Variants in PRKCQ observed in about 807,000 individuals in gnomAD.
PRKCQ encodes the protein protein kinase C theta, also known as protein kinase C theta type.
PRKCQ carries 41 observed loss-of-function variants against 91.2 expected under a neutral mutation model. The ratio of observed to expected loss-of-function variants is 0.45; its 90% CI spans 0.35 to 0.58. PRKCQ has a LOEUF of 0.58. Among genes scored for constraint, PRKCQ ranks in the 20% least tolerant of loss-of-function variants. PRKCQ has a pLI of 0.00. For synonymous variants in PRKCQ, 307 were observed against 316.9 expected (o/e 0.97, Z 0.33); for missense variants, 673 against 896.5 (o/e 0.75, Z 3.18).
intron 1 of PRKCQ, among the ~76,000 whole-genome samples, chr10:6,517,588 C>CTTTTTTTTTTT (rs56306878): frequency 6.1e-5 from 3 of 49,482 alleles, no homozygotes; most frequent in African/African-American, 2.4e-4. Flanking sequence ...AAGATAGCAT[C>CTTTTTTTTTTT]TTTTTTTTTT....
chr10:6,533,646 T>C (rs747194840), intron 1 of PRKCQ, among the ~76,000 whole-genome samples: 98 of 152,282 alleles, frequency 6.4e-4, no homozygotes, highest in Non-Finnish European at 1.2e-3. Flanking sequence ...AATAAAGATA[T>C]TATAATGGGA....
the PRKCQ span, among the ~76,000 whole-genome samples, chr10:6,410,023 TA>T: frequency 4.6e-5 from 7 of 152,220 alleles, no homozygotes; most frequent in Admixed American, 3.9e-4. Flanking sequence ...CAGAAGCTCA[TA>T]AACTATGAAG....
intron 1 of PRKCQ, among the ~76,000 whole-genome samples, chr10:6,541,597 A>G (rs1203615303): frequency 2.0e-5 from 3 of 152,194 alleles, no homozygotes; most frequent in Non-Finnish European, 4.4e-5. Context: ...CACTGGTCTA[A>G]TAATTCATTA....
intron 2 of PRKCQ, among the ~76,000 whole-genome samples, chr10:6,514,697 T>C (rs1370898960): frequency 6.6e-6 from 1 of 152,232 alleles, no homozygotes. Flanking sequence ...TAGGGCTATG[T>C]TCTACTTCAG....
At chr10:6,518,883 AT>A (rs1838889133) in intron 1 of PRKCQ, among the ~76,000 whole-genome samples, 1 of 152,254 alleles carries the variant, frequency 6.6e-6, no homozygotes, top group Non-Finnish European at 1.5e-5. Context: ...TGCCCATGCA[AT>A]TATCAAATAT....
intron 1 of PRKCQ, among the ~76,000 whole-genome samples, chr10:6,523,097 T>C (rs1162080569): frequency 6.6e-6 from 1 of 152,162 alleles, no homozygotes; most frequent in Non-Finnish European, 1.5e-5. Context: ...CTAAGTAGTA[T>C]AATAAAGAGA....
chr10:6,408,216 A>T, the PRKCQ span, among the ~76,000 whole-genome samples: 2 of 152,046 alleles, frequency 1.3e-5, no homozygotes, highest in African/African-American at 4.8e-5. Context: ...GGAATTGCTC[A>T]GTTTAGATTT....
intron 13 of PRKCQ, among the ~76,000 whole-genome samples, chr10:6,464,063 T>G (rs1835500385): frequency 6.6e-6 from 1 of 152,220 alleles, no homozygotes; most frequent in Non-Finnish European, 1.5e-5. Context: ...CTCAGGTTAG[T>G]TAGAAGCCTG....
In PRKCQ at chr10:6,446,750, T is replaced by C. The variant is rs3793722; in HGVS notation, c.1648-4669A>G. 2.1e-3 allele frequency among the ~76,000 whole-genome samples: 320 copies of C among 152,342 alleles called. 8 individuals are homozygous for C. The East Asian group carries it at 0.054, about 26-fold the overall frequency. ...CTCTCAGCCCCGGGACCTTGCCTCA[T>C]TGTGATCTCTTCTTGTGTTCTGCTC... On this transcript the variant is annotated intron_variant, in intron 15 of 17. Coordinates refer to ENST00000263125, the MANE Select transcript of PRKCQ (RefSeq NM_006257.5).
At chr10:6,552,658 G>A (rs900104627) in intron 1 of PRKCQ, among the ~76,000 whole-genome samples, 1 of 151,774 alleles carries the variant, frequency 6.6e-6, no homozygotes, top group African/African-American at 2.4e-5. Flanking sequence ...GTAGACACAG[G>A]GTCTCACTAG....
intron 1 of PRKCQ, among the ~76,000 whole-genome samples, chr10:6,562,891 G>A (rs917655796): frequency 3.3e-5 from 5 of 152,146 alleles, no homozygotes; most frequent in Admixed American, 3.3e-4. Context: ...CTCAGTCTAT[G>A]TTAGCTATAA....
intron 1 of PRKCQ, among the ~76,000 whole-genome samples, chr10:6,557,788 T>G (rs1840477322): frequency 6.6e-6 from 1 of 152,104 alleles, no homozygotes; most frequent in Non-Finnish European, 1.5e-5. Flanking sequence ...TGTCTGTACC[T>G]CTCCTCTCTG....
the PRKCQ span, among the ~76,000 whole-genome samples, chr10:6,418,955 ATATCTATC>A: frequency 0.15 from 22,672 of 147,024 alleles, 1,800 homozygotes; most frequent in Admixed American, 0.2. Flanking sequence ...ATCTTATCTA[ATATCTATC>A]TATCTATCTA....
intron 1 of PRKCQ, among the ~76,000 whole-genome samples, chr10:6,534,960 G>A (rs1315899502): frequency 1.3e-5 from 2 of 151,992 alleles, no homozygotes; most frequent in African/African-American, 4.8e-5. Flanking sequence ...GTAACAAAAA[G>A]GGAAAATGTT....
chr10:6,406,432 G>A, the PRKCQ span, among the ~76,000 whole-genome samples: 5 of 151,664 alleles, frequency 3.3e-5, no homozygotes, highest in Admixed American at 1.3e-4. Flanking sequence ...TGCTGAAGTC[G>A]CTCCCCAGTG....
At chr10:6,418,986 TCTATCTATCTATCTATCTTG>T in the PRKCQ span, among the ~76,000 whole-genome samples, 8 of 122,048 alleles carry the variant, frequency 6.6e-5, no homozygotes, top group Non-Finnish European at 1.5e-4. Context: ...TATCTATCTA[TCTATCTATCTATCTATCTTG>T]CTATCTATGT....
intron 12 of PRKCQ, among the ~76,000 whole-genome samples, chr10:6,475,600 A>T (rs1836227911): frequency 6.6e-6 from 1 of 152,262 alleles, no homozygotes; most frequent in Non-Finnish European, 1.5e-5. Flanking sequence ...CCTTTAAAAA[A>T]TAACAATGCC....
In PRKCQ at chr10:6,526,012, G is replaced by C. The variant is rs368246676; in HGVS notation, c.-9-10868C>G. Among the ~76,000 whole-genome samples the C allele has an allele frequency of 3.3e-5, 5 of 152,270 alleles. No homozygotes were observed. In the East Asian group the frequency reaches 5.8e-4, roughly 18 times the overall value. On this transcript the variant is annotated intron_variant, in intron 1 of 17. Transcript: ENST00000263125. ...GGGAACTGAATGAGATAAGGTATGA[G>C]GAAACTCCATAAACTCCTACGTGCA... is the stretch of plus-strand genomic sequence containing the variant.
chr10:6,395,418 G>A, the PRKCQ span, among the ~76,000 whole-genome samples: 3 of 152,026 alleles, frequency 2.0e-5, no homozygotes. Flanking sequence ...AGGGATCAGA[G>A]TTTTTAAGAA....
Sources: gnomAD v4.1 joint callset for allele counts (sites outside exome capture counted in the v4.1 genomes callset) on GRCh38, gnomAD v4.1.1 for gene constraint, MANE v1.5 for transcripts, NCBI Gene and HGNC (gene_info 2026-07-23, HGNC 2026-07-21) for gene names.